The following CD40 variants were observed in gnomAD, a reference collection of about 807,000 sequenced individuals.
CD40 encodes CD40 molecule, also known as tumor necrosis factor receptor superfamily member 5.
A neutral mutation model predicts 38.5 loss-of-function variants in CD40; 19 were observed. That is an observed-to-expected ratio of 0.49 (90% CI 0.34 to 0.72). The LOEUF (loss-of-function observed/expected upper bound fraction) is 0.72. Among genes scored for constraint, CD40 ranks in the 30% least tolerant of loss-of-function variants. The pLI is 0.01. For missense variants in CD40, 256 were observed against 344.1 expected, an observed-to-expected ratio of 0.74 and a Z score of 2.03; for synonymous variants, 130 against 128.7, an observed-to-expected ratio of 1.01 and a Z score of -0.07.
chr20:46,121,417 C>A (rs1047083452), intron 1 of CD40, among the ~76,000 whole-genome samples: 16 of 152,212 alleles, frequency 1.1e-4, no homozygotes, highest in African/African-American at 3.9e-4. Context: ...AGGAAGAGGC[C>A]AAGTGCTAAA....
intron 5 of CD40, among the ~76,000 whole-genome samples, chr20:46,124,754 T>TTTTTTG (rs2145600654): frequency 2.3e-5 from 1 of 44,056 alleles, no homozygotes; most frequent in South Asian, 8.3e-4. Context: ...TGGTATAGTT[T>TTTTTTG]TTTTTTTTTT....
intron 4 of CD40, 85 bp from the exon 5 acceptor site, chr20:46,123,041 C>A: frequency 1.8e-6 from 2 of 1,093,764 alleles, no homozygotes; most frequent in South Asian, 1.2e-5. Context: ...GAGCTCTTCC[C>A]GTCCTGCCTG....
chr20:46,122,767 C>A lies in CD40; in HGVS notation c.403+11C>A. 1 of 1,614,076 alleles carries A rather than the reference C, an allele frequency of 6.2e-7. No individual in the cohort carries two copies. The highest frequency in any genetic ancestry group is 8.5e-7 in the Non-Finnish European group (1 of 1,179,970). On this transcript the variant is annotated intron_variant, in intron 4 of 8. Transcript: ENST00000372285. The surrounding 1 kb of genome is among the most constrained non-coding windows in gnomAD (Gnocchi z 5.0). ...GGGTCAAGCAGATTGGTAAGTGGCT[C>A]ATCTGGGAATCAGTTTTGGAGGGGG...
rs1309660087 is a variant in CD40 at position 46,118,351 on chromosome 20, G to C, written c.8G>C (p.Arg3Pro). The C allele has an allele frequency of 2.5e-6, 4 of 1,614,000 alleles. No individual in the cohort carries two copies. The highest frequency in any genetic ancestry group is 3.4e-6 in the Non-Finnish European group (4 of 1,179,994). ...GCCTGGTCTCACCTCGCTATGGTTC[G>C]TCTGCCTCTGCAGTGCGTCCTCTGG... MVRLPLQCVLWGC... is the reference protein window; with the variant it reads MVPLPLQCVLWGC... Residue 3 changes from arginine to proline, a missense_variant, in exon 1 of 9, where the codon CGT becomes CCT. Arg to Pro is a moderately radical substitution (Grantham distance 103, BLOSUM62 -2). Coordinates refer to ENST00000372285, the MANE Select transcript of CD40 (RefSeq NM_001250.6).
intron 5 of CD40, among the ~76,000 whole-genome samples, chr20:46,124,124 C>G (rs1054942387): frequency 9.2e-5 from 14 of 152,130 alleles, no homozygotes; most frequent in Non-Finnish European, 1.0e-4. Flanking sequence ...ATGGTAAAAA[C>G]CCATCTCTAC....
At position 46,128,960 on chromosome 20, in the gene CD40, CAGG is replaced by C; in HGVS notation, c.757_759del (p.Glu253del). On this transcript the variant is annotated inframe_deletion, in exon 9 of 9. Coordinates refer to ENST00000372285, the MANE Select transcript of CD40 (RefSeq NM_001250.6). ...TGGCTCCAACACTGCTGCTCCAGTG[CAGG>C]AGACTTTACATGGATGCCAACCGGT... 6.2e-7 allele frequency: 1 copy of C among 1,614,120 alleles called. No homozygotes were observed. The highest frequency in any genetic ancestry group is 8.5e-7 in the Non-Finnish European group (1 of 1,179,948).
At chr20:46,126,550 C>T in intron 5 of CD40, 90 bp from the exon 6 acceptor site, 1 of 1,475,026 alleles carries the variant, frequency 6.8e-7, no homozygotes, top group Admixed American at 1.7e-5. Context: ...TTGACTGACT[C>T]ACTCTAGAGT....
intron 1 of CD40, among the ~76,000 whole-genome samples, chr20:46,120,949 C>T (rs1273378722): frequency 6.6e-6 from 1 of 152,176 alleles, no homozygotes; most frequent in Non-Finnish European, 1.5e-5. Flanking sequence ...CCTGTAATCC[C>T]AGCTACTCAG....
At position 46,122,193 on chromosome 20, in the gene CD40, A is replaced by G. The variant is rs2145591616; in HGVS notation, c.131-40A>G. 2 of 1,613,244 alleles carry G rather than the reference A, an allele frequency of 1.2e-6. No homozygotes were observed. The highest frequency in any genetic ancestry group is 4.5e-5 in the East Asian group (2 of 44,886). ...TGTGTGGTTAGTGTCTGACTCATGG[A>G]GTTGGCCAGAGCCCTCCCTCATTTC... On this transcript the variant is annotated intron_variant, in intron 2 of 8. Coordinates refer to ENST00000372285, the MANE Select transcript of CD40 (RefSeq NM_001250.6). This position sits in a 1 kb window ranked among gnomAD's most constrained non-coding sequence, Gnocchi z 5.0.
At chr20:46,126,769 C>T in intron 6 of CD40, 68 bp downstream of exon 6, 1 of 1,612,782 alleles carries the variant, frequency 6.2e-7, no homozygotes, top group African/African-American at 1.3e-5. Context: ...AGATGAGGCA[C>T]ACAGGAACAC....
intron 5 of CD40, among the ~76,000 whole-genome samples, chr20:46,124,751 GTTTTTTTT>G (rs780015926): frequency 6.8e-5 from 5 of 73,964 alleles, no homozygotes; most frequent in South Asian, 5.7e-4. Context: ...CACTGGTATA[GTTTTTTTT>G]TTTTTTTTTT....
intron 6 of CD40, among the ~76,000 whole-genome samples, chr20:46,127,818 C>T (rs896764790): frequency 2.0e-5 from 3 of 152,208 alleles, no homozygotes; most frequent in Non-Finnish European, 4.4e-5. Context: ...TGCCACCACT[C>T]GCTTCTAGAT....
rs957745543 is a variant in CD40 at position 46,129,004 on chromosome 20, C to T, written c.798C>T (p.Gly266=). The change falls in exon 9 of 9, where the codon GGC becomes GGT. Residue 266 remains glycine, a synonymous_variant. Transcript: ENST00000372285. Reference sequence around the variant, plus strand: ...GCCAACCGGTCACCCAGGAGGATGGCAAAGAGAGTCGCATCTCAGTGCAGG... The same window carrying T: ...GCCAACCGGTCACCCAGGAGGATGGTAAAGAGAGTCGCATCTCAGTGCAGG... ...HGCQPVTQED[G]KESRISVQER... The T allele has an allele frequency of 6.2e-7, 1 of 1,614,190 alleles. No homozygotes were observed. The highest frequency in any genetic ancestry group is 8.5e-7 in the Non-Finnish European group (1 of 1,180,040).
intron 5 of CD40, among the ~76,000 whole-genome samples, chr20:46,125,943 A>G (rs931701934): frequency 3.9e-5 from 6 of 152,148 alleles, no homozygotes; most frequent in African/African-American, 1.4e-4. Flanking sequence ...CCCACATCAC[A>G]TCGTCCCACT....
In CD40 at chr20:46,124,751, G is replaced by GTTTTTTTTTTTTTTTTTTT. The variant is rs780015926; in HGVS notation, c.497+1547_497+1565dup. ...GATAACTGGAGGCACCACTGGTATA[G>GTTTTTTTTTTTTTTTTTTT]TTTTTTTTTTTTTTTTTTTTTTTTT... is the stretch of plus-strand genomic sequence containing the variant. On this transcript the variant is annotated intron_variant, in intron 5 of 8. Transcript: ENST00000372285. Among the ~76,000 whole-genome samples the GTTTTTTTTTTTTTTTTTTT allele has an allele frequency of 5.4e-5, 4 of 73,938 alleles. 1 individual carries two copies. Among genetic ancestry groups the GTTTTTTTTTTTTTTTTTTT allele is most frequent in the Non-Finnish European group, 4.9e-5 (2 of 40,988 alleles). 48.5% of individuals were successfully genotyped at this position (73,938 alleles called of 152,430 possible).
rs2085338403 is a variant in CD40, at chr20:46,122,501, T to C, written c.257-109T>C. The stretch of plus-strand genomic sequence containing the variant: ...TGATCATTAAATGATTTGATTGCCA[T>C]CTCTACTTGGAAGAGGGTCTGAGGA... On this transcript the variant is annotated intron_variant, in intron 3 of 8. Coordinates refer to ENST00000372285, the MANE Select transcript of CD40 (RefSeq NM_001250.6). The surrounding 1 kb of genome is among the most constrained non-coding windows in gnomAD (Gnocchi z 5.0). 1.9e-6 allele frequency: 3 copies of C among 1,573,010 alleles called. No homozygotes were observed. The highest frequency in any genetic ancestry group is 2.6e-6 in the Non-Finnish European group (3 of 1,144,304).
intron 1 of CD40, 140 bp downstream of exon 1, chr20:46,118,534 C>T (rs538541891): frequency 2.5e-6 from 2 of 800,914 alleles, no homozygotes; most frequent in Non-Finnish European, 4.2e-6. Flanking sequence ...CAAGGTGCCC[C>T]CGCTCCTGGC....
At chr20:46,123,078 A>G (rs1225147693) in intron 4 of CD40, 48 bp from the exon 5 acceptor site, 3 of 1,391,658 alleles carry the variant, frequency 2.2e-6, no homozygotes, top group South Asian at 1.2e-5. Context: ...TGAGCCGGAC[A>G]GGTGGTCCAC....
chr20:46,126,881 C>G, intron 6 of CD40, 180 bp downstream of exon 6: 2 of 960,058 alleles, frequency 2.1e-6, no homozygotes, highest in Non-Finnish European at 3.2e-6. Context: ...CTCTTAGCCT[C>G]AGTTTCTTCA....
Sources: allele counts gnomAD v4.1 joint callset (sites outside exome capture counted in the v4.1 genomes callset), GRCh38; gene constraint gnomAD v4.1.1; non-coding constraint Gnocchi (gnomAD v3.1); transcripts MANE v1.5; gene names NCBI Gene and HGNC (gene_info 2026-07-23, HGNC 2026-07-21).